The following FGR variants were observed in gnomAD, a reference collection of about 807,000 sequenced individuals.
The protein encoded by FGR is FGR proto-oncogene, Src family tyrosine kinase.
FGR carries 26 observed loss-of-function variants against 63.2 expected under a neutral mutation model. That is an observed-to-expected ratio of 0.41 (90% CI 0.30 to 0.57). The LOEUF (loss-of-function observed/expected upper bound fraction) is 0.57, where lower values mean the gene tolerates loss of function less well. Ranked by LOEUF, FGR falls within the 20% of genes least tolerant of loss-of-function variation. The probability of loss-of-function intolerance (pLI) is 0.27; values close to 1 mark genes in which losing one functional copy is unlikely to be tolerated. For missense variants in FGR, 511 were observed against 690.8 expected, an observed-to-expected ratio of 0.74 and a Z score of 2.92; for synonymous variants, 286 against 277.7, an observed-to-expected ratio of 1.03 and a Z score of -0.30.
In FGR at chr1:27,621,410, A is replaced by C. The variant is rs2231871; in HGVS notation, c.428+149T>G. On this transcript the variant is annotated intron_variant, in intron 5 of 12. Transcript: ENST00000374005. ...ATCTACTATTATTATTATCAGTACA[A>C]TCTTCTTTTGTTCTCACAATGACCT... The C allele has an allele frequency of 7.2e-3, 4,453 of 622,778 alleles. 131 individuals are homozygous for C. Among genetic ancestry groups the C allele is most frequent in the African/African-American group, 0.071 (3,877 of 54,484 alleles). 38.6% of individuals were successfully genotyped at this position (622,778 alleles called of 1,614,324 possible). A position where few individuals can be genotyped will look rare whatever the true frequency, so the allele number is the denominator to read the frequency against.
intron 1 of FGR, among the ~76,000 whole-genome samples, chr1:27,625,767 C>T (rs1225273643): frequency 6.6e-6 from 1 of 152,064 alleles, no homozygotes; most frequent in East Asian, 1.9e-4. Context: ...GGTGAAACCC[C>T]GTCTCTACTA....
At chr1:27,619,139 G>A (rs1288767520) in intron 5 of FGR, among the ~76,000 whole-genome samples, 1 of 152,154 alleles carries the variant, frequency 6.6e-6, no homozygotes, top group Non-Finnish European at 1.5e-5. Flanking sequence ...CCAACCTTTT[G>A]CACTCTCCAC....
chr1:27,626,026 G>A (rs551766856), intron 1 of FGR: 40 of 398,826 alleles, frequency 1.0e-4, no homozygotes, highest in Non-Finnish European at 1.6e-4. Flanking sequence ...TGTGGTGGCT[G>A]AGTGAGAGTG....
chr1:27,625,658 C>T (rs945110023), intron 1 of FGR, among the ~76,000 whole-genome samples: 3 of 152,130 alleles, frequency 2.0e-5, no homozygotes, highest in South Asian at 2.1e-4. Flanking sequence ...CCAGTTCTTC[C>T]GGCCAGGCGC....
intron 11 of FGR, 109 bp downstream of exon 11, chr1:27,614,320 TG>T: frequency 3.2e-6 from 4 of 1,250,598 alleles, no homozygotes; most frequent in Non-Finnish European, 3.3e-6. Flanking sequence ...TACATCAGGA[TG>T]GGGCGACTCG....
At chr1:27,628,762 G>C (rs780692828) in intron 1 of FGR, among the ~76,000 whole-genome samples, 3 of 152,210 alleles carry the variant, frequency 2.0e-5, no homozygotes, top group Non-Finnish European at 4.4e-5. Context: ...GGAAGGGAGA[G>C]ACTATCAGCA....
At chr1:27,633,742 C>T (rs898635771) in intron 1 of FGR, among the ~76,000 whole-genome samples, 8 of 152,118 alleles carry the variant, frequency 5.3e-5, no homozygotes, top group African/African-American at 1.7e-4. Context: ...TTTGTAGAGA[C>T]AGGACGGGGG....
At chr1:27,621,390 C>CTAT (rs2089922458) in intron 5 of FGR, among the ~76,000 whole-genome samples, 169 bp downstream of exon 5, 1 of 152,200 alleles carries the variant, frequency 6.6e-6, no homozygotes, top group South Asian at 2.1e-4. Context: ...CTATTATCTA[C>CTAT]TATTATTATT....
intron 2 of FGR, among the ~76,000 whole-genome samples, chr1:27,624,569 G>A (rs900020394): frequency 1.6e-4 from 25 of 152,164 alleles, no homozygotes; most frequent in Non-Finnish European, 4.4e-5. Context: ...GCATGTGTGT[G>A]CAGCTCTTTG....
intron 1 of FGR, among the ~76,000 whole-genome samples, chr1:27,631,753 G>T (rs1227756896): frequency 1.3e-5 from 2 of 152,142 alleles, no homozygotes; most frequent in Non-Finnish European, 2.9e-5. Flanking sequence ...GGGCTGAGAA[G>T]AAAGAGAAGT....
intron 1 of FGR, among the ~76,000 whole-genome samples, chr1:27,631,328 C>A (rs891875952): frequency 2.6e-5 from 4 of 152,196 alleles, no homozygotes; most frequent in Non-Finnish European, 4.4e-5. Flanking sequence ...GCCTCCCACT[C>A]ACCCCTACTG....
chr1:27,622,007 T>C (rs2089937729), intron 4 of FGR, among the ~76,000 whole-genome samples: 1 of 152,142 alleles, frequency 6.6e-6, no homozygotes, highest in South Asian at 2.1e-4. Context: ...GACTTCTCAA[T>C]GTGGCTTAAA....
chr1:27,627,597 A>G (rs2090042165), intron 1 of FGR, among the ~76,000 whole-genome samples: 1 of 152,062 alleles, frequency 6.6e-6, no homozygotes, highest in Non-Finnish European at 1.5e-5. Flanking sequence ...TGATTTAAGT[A>G]GTATTATTAT....
In FGR at chr1:27,616,066, A is replaced by G. The variant is rs930806494; in HGVS notation, c.683-222T>C. Among the ~76,000 whole-genome samples the G allele has an allele frequency of 6.6e-6, 1 of 152,158 alleles. No individual in the cohort carries two copies. The highest frequency in any genetic ancestry group is 2.4e-5 in the African/African-American group (1 of 41,430). On this transcript the variant is annotated intron_variant, in intron 7 of 12. Coordinates refer to ENST00000374005, the MANE Select transcript of FGR (RefSeq NM_005248.3). The surrounding 1 kb of genome is among the most constrained non-coding windows in gnomAD (Gnocchi z 4.3). The stretch of plus-strand genomic sequence containing the variant: ...ACCCAGAGGGAGAGATGATCCCTGT[A>G]AGCCTTCTGTAAGGACTGGGGGCCT...
In FGR at chr1:27,624,471, T is replaced by C. The variant is rs147385338; in HGVS notation, c.-13-542A>G. Among the ~76,000 whole-genome samples the C allele has an allele frequency of 3.9e-5, 6 of 152,258 alleles. No homozygotes were observed. In the East Asian group the frequency reaches 1.2e-3, roughly 29 times the overall value. The stretch of plus-strand genomic sequence containing the variant: ...CAGGTTGGGTCCTATTGCTTTGATA[T>C]GTTGTGTTTCTGTGACTCTTTCAGT... On this transcript the variant is annotated intron_variant, in intron 2 of 12. Coordinates refer to ENST00000374005, the MANE Select transcript of FGR (RefSeq NM_005248.3).
intron 1 of FGR, chr1:27,626,286 G>A: frequency 2.5e-6 from 1 of 398,376 alleles, no homozygotes; most frequent in South Asian, 1.3e-4. Context: ...ATGTGAGAAT[G>A]GAGAGTTTAG....
chr1:27,614,180 T>C (rs752152217), intron 11 of FGR, among the ~76,000 whole-genome samples: 6 of 152,242 alleles, frequency 3.9e-5, no homozygotes, highest in Non-Finnish European at 8.8e-5. Flanking sequence ...ATCTGCTGAC[T>C]TCCTGTTATC....
Position 27,625,846 on chromosome 1 carries a change from G to A in FGR, c.-76-695C>T, listed in dbSNP as rs374725914. Among the ~76,000 whole-genome samples the A allele has an allele frequency of 3.6e-3, 553 of 152,332 alleles. 42 individuals carry two copies. In the South Asian group the frequency reaches 0.11, roughly 30 times the overall value. On this transcript the variant is annotated intron_variant, in intron 1 of 12. Coordinates refer to ENST00000374005, the MANE Select transcript of FGR (RefSeq NM_005248.3). ...CCCAGCTACTTGGGAGGCCGAGGCAGCAGAATCACTTGAACCTGGGAGGTG... is the reference window on the plus strand; with the variant it reads ...CCCAGCTACTTGGGAGGCCGAGGCAACAGAATCACTTGAACCTGGGAGGTG...
chr1:27,622,495 T>G (rs1358207374), intron 4 of FGR, among the ~76,000 whole-genome samples: 3 of 151,882 alleles, frequency 2.0e-5, no homozygotes, highest in Non-Finnish European at 4.4e-5. Flanking sequence ...TTTTTATTTT[T>G]TATTTTTTAA....
Sources: gnomAD v4.1 joint callset for allele counts (sites outside exome capture counted in the v4.1 genomes callset) on GRCh38, gnomAD v4.1.1 for gene constraint, Gnocchi (gnomAD v3.1) non-coding constraint, MANE v1.5 for transcripts, NCBI Gene and HGNC (gene_info 2026-07-23, HGNC 2026-07-21) for gene names.